The following SLCO6A1 variants were observed in gnomAD, a reference collection of about 807,000 sequenced individuals.
SLCO6A1 encodes the protein cancer/testis antigen 48.
SLCO6A1 carries 65 observed loss-of-function variants against 72.7 expected under a neutral mutation model. The observed-to-expected ratio is 0.89, with a 90% CI of 0.73 to 1.10. SLCO6A1 has a LOEUF of 1.10. SLCO6A1 is among the 50% of genes least tolerant of loss of function. The probability of loss-of-function intolerance (pLI) is 0.00; values close to 1 mark genes in which losing one functional copy is unlikely to be tolerated. For synonymous variants in SLCO6A1, 314 were observed against 298.2 expected (o/e 1.05, Z -0.55); for missense variants, 874 against 872.6 (o/e 1.00, Z -0.02).
chr5:102,447,794 A>G (rs1750198120), intron 6 of SLCO6A1, among the ~76,000 whole-genome samples: 1 of 151,866 alleles, frequency 6.6e-6, no homozygotes, highest in East Asian at 2.0e-4. Flanking sequence ...CTAGTGGTCT[A>G]TCAATCTTAT....
intron 12 of SLCO6A1, 50 bp downstream of exon 12, chr5:102,388,638 C>T: frequency 7.6e-7 from 1 of 1,307,598 alleles, no homozygotes; most frequent in Non-Finnish European, 1.0e-6. Flanking sequence ...ACAACCATAA[C>T]TTTTAGAAAT....
intron 10 of SLCO6A1, among the ~76,000 whole-genome samples, chr5:102,394,684 A>G (rs996164456): frequency 6.6e-6 from 1 of 152,164 alleles, no homozygotes; most frequent in Non-Finnish European, 1.5e-5. Flanking sequence ...AAAAGATATT[A>G]AGAATATATT....
intron 9 of SLCO6A1, among the ~76,000 whole-genome samples, chr5:102,412,404 AT>A (rs545442668): frequency 3.3e-5 from 5 of 152,090 alleles, no homozygotes; most frequent in Admixed American, 6.6e-5. Context: ...TGACATTTTA[AT>A]GTAGGAATAT....
Position 102,498,094 on chromosome 5 carries a change from C to A in SLCO6A1, c.358+393G>T, listed in dbSNP as rs111547752. Reference sequence around the variant, plus strand: ...ACCACACTATGATTCCCTGACCAACCTGACCAATCAGCACTCCCCAGTTCC... The same window carrying A: ...ACCACACTATGATTCCCTGACCAACATGACCAATCAGCACTCCCCAGTTCC... On this transcript the variant is annotated intron_variant, in intron 1 of 13. Transcript: ENST00000506729. Among the ~76,000 whole-genome samples the A allele has an allele frequency of 6.7e-3, 1,027 of 152,242 alleles. 8 individuals are homozygous for A. The highest frequency in any genetic ancestry group is 0.024 in the African/African-American group (977 of 41,536).
intron 1 of SLCO6A1, among the ~76,000 whole-genome samples, chr5:102,494,797 G>T (rs1249784159): frequency 6.6e-6 from 1 of 152,134 alleles, no homozygotes; most frequent in African/African-American, 2.4e-5. Context: ...ATTGCTGACG[G>T]GCAGGATCGC....
chr5:102,492,109 G>C (rs777455277), intron 1 of SLCO6A1, among the ~76,000 whole-genome samples: 7 of 152,178 alleles, frequency 4.6e-5, no homozygotes, highest in Non-Finnish European at 8.8e-5. Flanking sequence ...AAACAGCAAG[G>C]GGGAAGTCTG....
chr5:102,413,953 C>T (rs1175465357), intron 8 of SLCO6A1, among the ~76,000 whole-genome samples: 1 of 151,852 alleles, frequency 6.6e-6, no homozygotes, highest in African/African-American at 2.4e-5. Flanking sequence ...TGTTGGATTG[C>T]TTATTTTTTA....
At chr5:102,484,429 A>G (rs904199672) in intron 1 of SLCO6A1, among the ~76,000 whole-genome samples, 4 of 152,174 alleles carry the variant, frequency 2.6e-5, no homozygotes. Context: ...ATGGGTGGAT[A>G]CCTGAGATCA....
At chr5:102,373,262 T>C in intron 13 of SLCO6A1, 75 bp downstream of exon 13, 2 of 933,348 alleles carry the variant, frequency 2.1e-6, no homozygotes, top group Non-Finnish European at 2.8e-6. Flanking sequence ...GTTAAACATG[T>C]AATTACATTA....
At chr5:102,487,174 C>A (rs1752480902) in intron 1 of SLCO6A1, among the ~76,000 whole-genome samples, 1 of 152,116 alleles carries the variant, frequency 6.6e-6, no homozygotes, top group East Asian at 1.9e-4. Flanking sequence ...GTAAATAAGC[C>A]TTTTGCAGCT....
chr5:102,483,353 A>G (rs773166909), intron 1 of SLCO6A1, among the ~76,000 whole-genome samples: 3 of 152,126 alleles, frequency 2.0e-5, no homozygotes, highest in Non-Finnish European at 4.4e-5. Context: ...TCTACTTTTC[A>G]AGGCCTCCCC....
At position 102,391,051 on chromosome 5, in the gene SLCO6A1, A is replaced by C; in HGVS notation, c.1815-6T>G. 6.2e-7 allele frequency: 1 copy of C among 1,611,826 alleles called. No homozygotes were observed. Among genetic ancestry groups the C allele is most frequent in the East Asian group, 2.2e-5 (1 of 44,828 alleles). On this transcript the variant is annotated splice_polypyrimidine_tract_variant and splice_region_variant and intron_variant, in intron 10 of 13. Coordinates refer to ENST00000506729, the MANE Select transcript of SLCO6A1 (RefSeq NM_173488.5). The stretch of plus-strand genomic sequence containing the variant: ...GCAGTTTGTCAGGTACAACCCTGAA[A>C]GTAAATAGCAATGATATAATCAGCA...
At chr5:102,381,723 A>C (rs982992433) in intron 12 of SLCO6A1, among the ~76,000 whole-genome samples, 3 of 128,408 alleles carry the variant, frequency 2.3e-5, no homozygotes, top group African/African-American at 8.8e-5. Context: ...ATCCTCACCA[A>C]TATTTATCTT....
intron 9 of SLCO6A1, among the ~76,000 whole-genome samples, chr5:102,400,908 G>A (rs1466036601): frequency 1.3e-5 from 2 of 151,740 alleles, no homozygotes; most frequent in Non-Finnish European, 2.9e-5. Flanking sequence ...TAGGTTTTGG[G>A]AAAACACAGT....
At chr5:102,417,123 C>A (rs1429961734) in intron 8 of SLCO6A1, among the ~76,000 whole-genome samples, 4 of 152,056 alleles carry the variant, frequency 2.6e-5, no homozygotes, top group Non-Finnish European at 5.9e-5. Context: ...TGCTAATATT[C>A]TTTGCTCTCA....
chr5:102,498,884 C>T lies in SLCO6A1; in HGVS notation c.-40G>A. On this transcript the variant is annotated 5_prime_UTR_variant, in exon 1 of 14. Transcript: ENST00000506729. ...GGCTCCTGGCGACGCGGCCCGAGTG[C>T]TCTCGGCTGCCCGTCCTGCCTGGGC... 1 of 1,551,240 alleles carries T rather than the reference C, an allele frequency of 6.4e-7. No individual in the cohort carries two copies.
At chr5:102,392,694 C>T (rs893981575) in intron 10 of SLCO6A1, among the ~76,000 whole-genome samples, 7 of 151,088 alleles carry the variant, frequency 4.6e-5, no homozygotes, top group Non-Finnish European at 8.9e-5. Flanking sequence ...TGTGCTTTAA[C>T]AAAAAAGCAT....
At chr5:102,421,323 G>T (rs888148580) in intron 7 of SLCO6A1, among the ~76,000 whole-genome samples, 1 of 152,056 alleles carries the variant, frequency 6.6e-6, no homozygotes, top group African/African-American at 2.4e-5. Context: ...AAGTGGTCTT[G>T]CTCAGCAGGT....
intron 9 of SLCO6A1, among the ~76,000 whole-genome samples, chr5:102,401,274 GA>G (rs1450274069): frequency 5.3e-5 from 8 of 152,104 alleles, no homozygotes; most frequent in African/African-American, 1.9e-4. Context: ...TGCTGGATCA[GA>G]ATGAACATGA....
Sources: gnomAD v4.1 joint callset for allele counts (sites outside exome capture counted in the v4.1 genomes callset) on GRCh38, gnomAD v4.1.1 for gene constraint, MANE v1.5 for transcripts, NCBI Gene and HGNC (gene_info 2026-07-23, HGNC 2026-07-21) for gene names.